Variants in SCEL observed in about 807,000 individuals in gnomAD.
The protein encoded by SCEL is sciellin.
In SCEL, 113 loss-of-function variants were observed where a neutral mutation model predicts 117.6. The observed-to-expected ratio is 0.96, with a 90% confidence interval of 0.83 to 1.12. The LOEUF (loss-of-function observed/expected upper bound fraction) is 1.12. SCEL is among the 50% of genes most tolerant of loss of function. The probability of loss-of-function intolerance (pLI) is 0.00; values close to 1 mark genes in which losing one functional copy is unlikely to be tolerated. For synonymous variants in SCEL, 270 were observed against 256.2 expected (o/e 1.05, Z -0.51); for missense variants, 785 against 810.8 (o/e 0.97, Z 0.39).
Position 77,562,023 on chromosome 13 carries a change from C to T in SCEL, c.222-1808C>T, listed in dbSNP as rs2085007901. On this transcript the variant is annotated intron_variant, in intron 4 of 32. Coordinates refer to ENST00000349847, the MANE Select transcript of SCEL (RefSeq NM_144777.3). ...TATTATCCACAATTGGAAAGTTTGA[C>T]CATGTACATGTTCTGGTAGATCATT... is the stretch of plus-strand genomic sequence containing the variant. 2.0e-5 allele frequency among the ~76,000 whole-genome samples: 3 copies of T among 152,258 alleles called. No individual in the cohort carries two copies. The South Asian group carries it at 6.2e-4, about 32-fold the overall frequency.
intron 9 of SCEL, among the ~76,000 whole-genome samples, chr13:77,575,618 G>A (rs1278411582): frequency 6.6e-6 from 1 of 152,214 alleles, no homozygotes; most frequent in Non-Finnish European, 1.5e-5. Context: ...AAAGCCTCTT[G>A]TCCTATTTTT....
intron 21 of SCEL, among the ~76,000 whole-genome samples, chr13:77,609,798 T>C (rs1464277803): frequency 1.3e-5 from 2 of 152,194 alleles, no homozygotes. Flanking sequence ...TGTAAATCAC[T>C]AAGAAGAGTG....
intron 1 of SCEL, among the ~76,000 whole-genome samples, chr13:77,550,388 A>ATATATATATATATATATATATATATAT (rs1567337564): frequency 0.018 from 14 of 794 alleles, no homozygotes; most frequent in African/African-American, 0.024. Flanking sequence ...TTTGTCTAAA[A>ATATATATATATATATATATATATATAT]TATATATATA....
At chr13:77,589,490 A>G (rs2086749989) in intron 10 of SCEL, among the ~76,000 whole-genome samples, 1 of 152,218 alleles carries the variant, frequency 6.6e-6, no homozygotes, top group African/African-American at 2.4e-5. Flanking sequence ...GTGTTTGTAC[A>G]CAGACTTTTT....
intron 4 of SCEL, among the ~76,000 whole-genome samples, chr13:77,562,480 C>T (rs1452098612): frequency 2.0e-5 from 3 of 152,206 alleles, no homozygotes; most frequent in South Asian, 4.1e-4. Flanking sequence ...AAAATGTTCA[C>T]ATCTATTTCC....
intron 4 of SCEL, among the ~76,000 whole-genome samples, chr13:77,562,771 A>G (rs1324501437): frequency 2.0e-5 from 3 of 152,246 alleles, no homozygotes; most frequent in African/African-American, 4.8e-5. Flanking sequence ...TAATATAGCA[A>G]ATATGCTTTT....
chr13:77,545,580 T>C (rs913707648), intron 1 of SCEL, among the ~76,000 whole-genome samples: 1 of 152,214 alleles, frequency 6.6e-6, no homozygotes, highest in South Asian at 2.1e-4. Flanking sequence ...GAAAGAACAC[T>C]ACTGCAGTAA....
chr13:77,585,832 C>T (rs1395264917), intron 9 of SCEL, among the ~76,000 whole-genome samples: 1 of 152,148 alleles, frequency 6.6e-6, no homozygotes, highest in East Asian at 1.9e-4. Context: ...ATCCTCCACT[C>T]TTCAGCCTCC....
chr13:77,602,460 A>T (rs2087778393), intron 16 of SCEL, 194 bp from the exon 17 acceptor site: 1 of 563,056 alleles, frequency 1.8e-6, no homozygotes, highest in Admixed American at 3.2e-5. Context: ...TTCTAAACTG[A>T]TTTAGACACA....
chr13:77,633,442 C>CAAA (rs59939208), intron 28 of SCEL, among the ~76,000 whole-genome samples: 282 of 28,132 alleles, frequency 0.01, no homozygotes, highest in Non-Finnish European at 0.015. Context: ...GACTCCGCCT[C>CAAA]AAAAAAAAAA....
intron 22 of SCEL, among the ~76,000 whole-genome samples, chr13:77,611,153 C>A (rs1199625268): frequency 3.9e-5 from 6 of 152,152 alleles, no homozygotes; most frequent in African/African-American, 1.4e-4. Flanking sequence ...GTAAATAGTT[C>A]TGGTTTCAGG....
Position 77,615,395 on chromosome 13 carries a change from G to A in SCEL, c.1451+1440G>A, listed in dbSNP as rs558008234. Among the ~76,000 whole-genome samples, 18 of 152,158 alleles carry A rather than the reference G, an allele frequency of 1.2e-4. No individual in the cohort carries two copies. The South Asian group carries it at 3.5e-3, about 30-fold the overall frequency. On this transcript the variant is annotated intron_variant, in intron 24 of 32. Transcript: ENST00000349847. ...TTAAGCGCCTTGGAAAATAGCAAAGGCTGTAAAGATAGGAGTGTTGCTCTT... is the reference window on the plus strand; with the variant it reads ...TTAAGCGCCTTGGAAAATAGCAAAGACTGTAAAGATAGGAGTGTTGCTCTT...
chr13:77,604,908 T>C (rs1278317420), intron 19 of SCEL, among the ~76,000 whole-genome samples: 2 of 152,022 alleles, frequency 1.3e-5, no homozygotes. Context: ...TATAAATGCA[T>C]GTGTGGATGT....
At chr13:77,635,761 G>A (rs2090248744) in intron 29 of SCEL, among the ~76,000 whole-genome samples, 1 of 152,046 alleles carries the variant, frequency 6.6e-6, no homozygotes, top group African/African-American at 2.4e-5. Flanking sequence ...AGTATATACT[G>A]AATACCCTGT....
At chr13:77,612,342 C>T (rs952052217) in intron 22 of SCEL, among the ~76,000 whole-genome samples, 1 of 151,392 alleles carries the variant, frequency 6.6e-6, no homozygotes, top group Non-Finnish European at 1.5e-5. Flanking sequence ...CAGCTTTGCA[C>T]GAAGTGTGAT....
At chr13:77,562,567 C>T (rs2085045128) in intron 4 of SCEL, among the ~76,000 whole-genome samples, 2 of 152,192 alleles carry the variant, frequency 1.3e-5, no homozygotes, top group South Asian at 4.1e-4. Flanking sequence ...TCAGCTTTCT[C>T]AGCTTAGAAC....
chr13:77,565,413 C>T (rs924097816), intron 5 of SCEL, among the ~76,000 whole-genome samples: 1 of 152,106 alleles, frequency 6.6e-6, no homozygotes, highest in Admixed American at 6.6e-5. Flanking sequence ...TCATTTTATA[C>T]CCTCAAAAGC....
At position 77,593,513 on chromosome 13, in the gene SCEL, G is replaced by T. The variant is rs1278383762; in HGVS notation, c.693-1G>T. 6.2e-7 allele frequency: 1 copy of T among 1,610,106 alleles called. No individual in the cohort carries two copies. The highest frequency in any genetic ancestry group is 1.7e-5 in the Admixed American group (1 of 59,838). On this transcript the variant is annotated splice_acceptor_variant, in intron 11 of 32. Transcript: ENST00000349847. LOFTEE classifies it high-confidence loss of function. ...CTGTATTTATTTTTCATTGTTTGAA[G>T]GAGTCAGGATCTTGATAACATCGTC...
Position 77,604,018 on chromosome 13 carries a change from A to G in SCEL, c.1098-338A>G, listed in dbSNP as rs538200487. 9.6e-3 allele frequency among the ~76,000 whole-genome samples: 20 copies of G among 2,082 alleles called. No individual in the cohort carries two copies. In the South Asian group the frequency reaches 0.39, roughly 40 times the overall value. 1.4% of individuals were successfully genotyped at this position (2,082 alleles called of 152,430 possible). ...CTGTCTGGGTCCAGTGTAGAACTCAATCTAACTTAATTGTTATTTCAATGC... is the reference window on the plus strand; with the variant it reads ...CTGTCTGGGTCCAGTGTAGAACTCAGTCTAACTTAATTGTTATTTCAATGC... On this transcript the variant is annotated intron_variant, in intron 18 of 32. Coordinates refer to ENST00000349847, the MANE Select transcript of SCEL (RefSeq NM_144777.3).
Sources: allele counts gnomAD v4.1 joint callset (sites outside exome capture counted in the v4.1 genomes callset), GRCh38; gene constraint gnomAD v4.1.1; transcripts MANE v1.5; gene names NCBI Gene and HGNC (gene_info 2026-07-23, HGNC 2026-07-21).